ERBB4: variants seen among roughly 807,000 people sequenced by gnomAD.
ERBB4 encodes the protein erb-b2 receptor tyrosine kinase 4, also known as receptor tyrosine-protein kinase erbB-4.
ERBB4 carries 42 observed loss-of-function variants against 158.0 expected under a neutral mutation model. That is an observed-to-expected ratio of 0.27 (90% CI 0.21 to 0.34). The LOEUF is 0.34. Among genes scored for constraint, ERBB4 ranks in the 10% least tolerant of loss-of-function variants. The probability of loss-of-function intolerance (pLI) is 1.00; values close to 1 mark genes in which losing one functional copy is unlikely to be tolerated. For synonymous variants in ERBB4, 583 were observed against 558.7 expected (o/e 1.04, Z -0.61); for missense variants, 1,333 against 1,624.1 (o/e 0.82, Z 3.08).
intron 1 of ERBB4, among the ~76,000 whole-genome samples, chr2:212,380,335 T>C (rs1228310426): frequency 1.3e-5 from 2 of 151,312 alleles, no homozygotes; most frequent in Non-Finnish European, 3.0e-5. Flanking sequence ...TTACTAGTAA[T>C]TTAGAGATGA....
At chr2:211,766,969 C>A (rs992001308) in intron 4 of ERBB4, among the ~76,000 whole-genome samples, 2 of 152,104 alleles carry the variant, frequency 1.3e-5, no homozygotes, top group Non-Finnish European at 2.9e-5. Context: ...GTTTGGTCAC[C>A]TTCCAACACC....
chr2:212,443,059 C>T (rs1018962763), intron 1 of ERBB4, among the ~76,000 whole-genome samples: 1 of 152,338 alleles, frequency 6.6e-6, no homozygotes, highest in Non-Finnish European at 1.5e-5. Flanking sequence ...TCTCCTGGTA[C>T]CTGGTATGCA....
intron 2 of ERBB4, among the ~76,000 whole-genome samples, chr2:211,984,030 G>C (rs939887122): frequency 1.3e-5 from 2 of 152,096 alleles, no homozygotes; most frequent in African/African-American, 2.4e-5. Context: ...TCATAGTTTT[G>C]TAGGCTGGAA....
chr2:211,409,774 A>T (rs182658678), intron 25 of ERBB4, among the ~76,000 whole-genome samples: 257 of 152,200 alleles, frequency 1.7e-3, no homozygotes, highest in African/African-American at 5.6e-3. Flanking sequence ...GTTAGACTTG[A>T]GAAACTGAAG....
chr2:212,472,601 T>C (rs1367562427), intron 1 of ERBB4, among the ~76,000 whole-genome samples: 1 of 151,838 alleles, frequency 6.6e-6, no homozygotes, highest in South Asian at 2.1e-4. Context: ...AGTATATAAT[T>C]GGAAAGAGCG....
At chr2:211,520,805 A>G (rs2066166033) in intron 20 of ERBB4, among the ~76,000 whole-genome samples, 1 of 151,674 alleles carries the variant, frequency 6.6e-6, no homozygotes, top group Non-Finnish European at 1.5e-5. Context: ...CATTTTGGCA[A>G]CTCTTGTAAT....
At chr2:211,870,492 T>C (rs1240144916) in intron 3 of ERBB4, among the ~76,000 whole-genome samples, 1 of 152,156 alleles carries the variant, frequency 6.6e-6, no homozygotes. Context: ...TTGAGATATC[T>C]ACATCGAAAT....
intron 3 of ERBB4, among the ~76,000 whole-genome samples, chr2:211,927,527 T>A (rs1365201607): frequency 3.9e-5 from 6 of 152,264 alleles, no homozygotes; most frequent in Non-Finnish European, 1.5e-5. Context: ...TTTCATCTGC[T>A]GCCCTATTTA....
chr2:211,807,296 C>A (rs2076640847), intron 3 of ERBB4, among the ~76,000 whole-genome samples: 1 of 152,128 alleles, frequency 6.6e-6, no homozygotes. Context: ...CTTCCCCTGG[C>A]CCCCACCCCA....
intron 2 of ERBB4, among the ~76,000 whole-genome samples, chr2:212,003,592 C>T (rs2076191991): frequency 6.6e-6 from 1 of 152,154 alleles, no homozygotes; most frequent in Non-Finnish European, 1.5e-5. Context: ...TTACAATCCC[C>T]ATCTCCTCCC....
At chr2:212,470,260 T>C (rs962431734) in intron 1 of ERBB4, among the ~76,000 whole-genome samples, 1 of 152,096 alleles carries the variant, frequency 6.6e-6, no homozygotes, top group Non-Finnish European at 1.5e-5. Context: ...AACACATCTA[T>C]CTGGAAAATA....
At chr2:211,502,979 A>G (rs1441652556) in intron 20 of ERBB4, among the ~76,000 whole-genome samples, 1 of 152,120 alleles carries the variant, frequency 6.6e-6, no homozygotes, top group Non-Finnish European at 1.5e-5. Flanking sequence ...GCAATGGAGG[A>G]CACCGTGGTT....
intron 2 of ERBB4, among the ~76,000 whole-genome samples, chr2:211,995,429 TA>T (rs2082178831): frequency 6.6e-6 from 1 of 152,140 alleles, no homozygotes; most frequent in Admixed American, 6.6e-5. Flanking sequence ...ACATTGTTTT[TA>T]AGGACCTTGC....
intron 2 of ERBB4, among the ~76,000 whole-genome samples, chr2:211,979,678 C>A (rs1386788258): frequency 6.6e-6 from 1 of 152,128 alleles, no homozygotes; most frequent in African/African-American, 2.4e-5. Context: ...TGCCATAATA[C>A]ACATTATACT....
chr2:212,116,198 T>C (rs1370958618), intron 2 of ERBB4, among the ~76,000 whole-genome samples: 3 of 151,596 alleles, frequency 2.0e-5, no homozygotes, highest in Admixed American at 2.0e-4. Flanking sequence ...ATGGTCACTA[T>C]ATTTACAATA....
chr2:211,758,405 T>C (rs989150912), intron 4 of ERBB4, among the ~76,000 whole-genome samples: 2 of 152,146 alleles, frequency 1.3e-5, no homozygotes, highest in Admixed American at 6.6e-5. Context: ...AAACATGAAA[T>C]TTTTCCTAAA....
intron 2 of ERBB4, among the ~76,000 whole-genome samples, chr2:211,959,446 G>A (rs1239730918): frequency 1.3e-5 from 2 of 151,936 alleles, no homozygotes; most frequent in African/African-American, 4.8e-5. Flanking sequence ...TTATTATAAA[G>A]CTACCTCATT....
chr2:211,985,105 T>C (rs1328507361), intron 2 of ERBB4, among the ~76,000 whole-genome samples: 1 of 152,228 alleles, frequency 6.6e-6, no homozygotes, highest in Non-Finnish European at 1.5e-5. Flanking sequence ...CATGCTAACA[T>C]ACTCACTGAC....
intron 20 of ERBB4, among the ~76,000 whole-genome samples, chr2:211,527,855 C>G (rs2066392188): frequency 6.6e-6 from 1 of 151,440 alleles, no homozygotes; most frequent in Admixed American, 6.6e-5. Flanking sequence ...TAAAAAAATG[C>G]AATGGATACA....
Sources: gnomAD v4.1 joint callset for allele counts (sites outside exome capture counted in the v4.1 genomes callset) on GRCh38, gnomAD v4.1.1 for gene constraint, MANE v1.5 for transcripts, NCBI Gene and HGNC (gene_info 2026-07-23, HGNC 2026-07-21) for gene names.